Variants in IL31RA observed in about 807,000 individuals in gnomAD.
IL31RA encodes interleukin 31 receptor A, also known as interleukin-31 receptor subunit alpha.
Under a neutral mutation model 83.7 loss-of-function variants are expected in IL31RA, and 66 were observed. The ratio of observed to expected loss-of-function variants is 0.79; its 90% CI spans 0.65 to 0.97. The LOEUF is 0.97. Ranked by LOEUF, IL31RA falls within the 50% of genes least tolerant of loss-of-function variation. IL31RA has a pLI of 0.00. For synonymous variants in IL31RA, 325 were observed against 329.0 expected, an observed-to-expected ratio of 0.99 and a Z score of 0.13; for missense variants, 798 against 919.4, an observed-to-expected ratio of 0.87 and a Z score of 1.71.
rs1262185080 is a variant in IL31RA at position 55,872,398 on chromosome 5, A to T, written c.401A>T (p.Asn134Ile). 8.1e-6 allele frequency: 13 copies of T among 1,612,122 alleles called. No homozygotes were observed. The highest frequency in any genetic ancestry group is 1.1e-5 in the Non-Finnish European group (13 of 1,178,402). ...TATACCATTGAGGTGGAAGCTGAAA[A>T]TGGAGATGGTGTAATTAAATCTCAT... The part of the protein sequence containing the change: ...DNYTIEVEAE[N>I]GDGVIKSHMT... The change falls in exon 4 of 15, where the codon AAT becomes ATT. Residue 134 changes from asparagine to isoleucine, a missense_variant. By Grantham distance (149) the Asn-to-Ile change is moderately radical. Coordinates refer to ENST00000652347, the MANE Select transcript of IL31RA (RefSeq NM_139017.7).
intron 3 of IL31RA, among the ~76,000 whole-genome samples, chr5:55,871,690 A>C (rs1746515164): frequency 6.6e-6 from 1 of 152,126 alleles, no homozygotes; most frequent in East Asian, 1.9e-4. Flanking sequence ...ATCTCTCTAG[A>C]TATCTCCACA....
rs548027563 is a variant in IL31RA at position 55,870,109 on chromosome 5, G to A, written c.272+1201G>A. ...ATATAGTAATATTAAGAAGGAGATC[G>A]GTCTCTGTCAGAACTTTTCAACACT... On this transcript the variant is annotated intron_variant, in intron 3 of 14. Coordinates refer to ENST00000652347, the MANE Select transcript of IL31RA (RefSeq NM_139017.7). 6.2e-4 allele frequency among the ~76,000 whole-genome samples: 95 copies of A among 152,224 alleles called. 1 individual carries two copies. Among genetic ancestry groups the A allele is most frequent in the Admixed American group, 2.8e-3 (43 of 15,292 alleles).
chr5:55,915,825 G>A (rs1301943109), intron 14 of IL31RA, among the ~76,000 whole-genome samples: 6 of 152,148 alleles, frequency 3.9e-5, no homozygotes, highest in South Asian at 2.1e-4. Flanking sequence ...TGAATAATCC[G>A]TAGGTTGGAC....
intron 4 of IL31RA, 89 bp from the exon 5 acceptor site, chr5:55,882,955 C>T (rs926597195): frequency 1.2e-5 from 14 of 1,196,656 alleles, no homozygotes; most frequent in African/African-American, 4.5e-5. Flanking sequence ...CCACAATGCA[C>T]GTATCATTTT....
chr5:55,882,904 T>A, intron 4 of IL31RA, 140 bp from the exon 5 acceptor site: 1 of 752,616 alleles, frequency 1.3e-6, no homozygotes, highest in Non-Finnish European at 2.3e-6. Flanking sequence ...ACATTCCTTT[T>A]GTACTGCCTT....
At chr5:55,840,829 A>T in the IL31RA span, among the ~76,000 whole-genome samples, 1 of 152,018 alleles carries the variant, frequency 6.6e-6, no homozygotes, top group Admixed American at 6.6e-5. Flanking sequence ...TGTTTTTCTT[A>T]TGCCTGTATT....
At chr5:55,856,731 T>C (rs1442740587) in intron 1 of IL31RA, among the ~76,000 whole-genome samples, 1 of 152,214 alleles carries the variant, frequency 6.6e-6, no homozygotes, top group Admixed American at 6.5e-5. Flanking sequence ...GTGGCTGCCC[T>C]GTCAGAGTCT....
chr5:55,913,625 A>T, intron 13 of IL31RA, 55 bp downstream of exon 13: 3 of 1,117,020 alleles, frequency 2.7e-6, no homozygotes, highest in Middle Eastern at 2.0e-4. Context: ...AAAGGGGTTG[A>T]AGTCATCATA....
intron 4 of IL31RA, among the ~76,000 whole-genome samples, chr5:55,880,988 A>C (rs1747176313): frequency 6.6e-6 from 1 of 152,136 alleles, no homozygotes; most frequent in African/African-American, 2.4e-5. Flanking sequence ...CACGTTTTAG[A>C]GCAGGAGTGG....
In IL31RA at chr5:55,916,768, T is replaced by G; in HGVS notation, c.1943T>G (p.Leu648Arg). ...DKLVVNFGNV[L>R]QEIFTDEART... ...TTGGTGGTGAACTTTGGGAATGTTCTGCAAGAAATTTTCACAGATGAAGCC... is the reference window on the plus strand; with the variant it reads ...TTGGTGGTGAACTTTGGGAATGTTCGGCAAGAAATTTTCACAGATGAAGCC... Residue 648 changes from leucine to arginine, a missense_variant, in exon 15 of 15, where the codon CTG (leucine) becomes CGG (arginine). Coordinates refer to ENST00000652347, the MANE Select transcript of IL31RA (RefSeq NM_139017.7). 6.2e-7 allele frequency: 1 copy of G among 1,614,210 alleles called. No homozygotes were observed. Among genetic ancestry groups the G allele is most frequent in the Non-Finnish European group, 8.5e-7 (1 of 1,180,042 alleles).
upstream of IL31RA, among the ~76,000 whole-genome samples, chr5:55,847,235 AAAAAAAT>A (rs1275660598): frequency 3.9e-4 from 16 of 41,488 alleles, no homozygotes; most frequent in African/African-American, 1.9e-3. Flanking sequence ...AGAAAAAAAA[AAAAAAAT>A]AAAAATAAAT....
intron 5 of IL31RA, among the ~76,000 whole-genome samples, chr5:55,884,537 C>T (rs184629498): frequency 1.8e-3 from 276 of 152,292 alleles, no homozygotes; most frequent in South Asian, 2.3e-3. Flanking sequence ...TGGGCTCAAA[C>T]GATCCTCCTG....
intron 1 of IL31RA, among the ~76,000 whole-genome samples, chr5:55,853,764 T>G (rs1745197859): frequency 6.6e-6 from 1 of 152,182 alleles, no homozygotes; most frequent in Non-Finnish European, 1.5e-5. Context: ...GAATGGAGAA[T>G]CATGAGTGTT....
At position 55,868,782 on chromosome 5, in the gene IL31RA, T is replaced by G; in HGVS notation, c.155-9T>G. ...TGTGTTTGTGTGTGTGTGTGTTTAA[T>G]TTATTTAGCTCTGCCAGCTAAGCCT... On this transcript the variant is annotated splice_polypyrimidine_tract_variant and intron_variant, in intron 2 of 14. Coordinates refer to ENST00000652347, the MANE Select transcript of IL31RA (RefSeq NM_139017.7). The G allele has an allele frequency of 6.8e-7, 1 of 1,469,652 alleles. No homozygotes were observed. The highest frequency in any genetic ancestry group is 9.5e-7 in the Non-Finnish European group (1 of 1,048,680). The allele number at this position is 1,469,652 out of a possible 1,614,324, so 91.0% of individuals were successfully genotyped here. A position where few individuals can be genotyped will look rare whatever the true frequency, so the allele number is the denominator to read the frequency against.
chr5:55,886,720 C>T (rs1274690520), intron 5 of IL31RA, among the ~76,000 whole-genome samples: 2 of 152,188 alleles, frequency 1.3e-5, no homozygotes, highest in Admixed American at 6.5e-5. Flanking sequence ...TGGCATCTAC[C>T]GATCCCTTCA....
Position 55,896,310 on chromosome 5 carries a change from C to T in IL31RA, c.773-40C>T, listed in dbSNP as rs779347701. 4.3e-6 allele frequency: 6 copies of T among 1,400,806 alleles called. No homozygotes were observed. In the Admixed American group the frequency reaches 1.0e-4, roughly 23 times the overall value. 86.8% of individuals were successfully genotyped at this position (1,400,806 alleles called of 1,614,324 possible). A position where few individuals can be genotyped will look rare whatever the true frequency, so the allele number is the denominator to read the frequency against. ...CCTTTCCTGTCTCCTCTGCAACTCC[C>T]TTATCTCTGGGTTGAGTACCTCATT... On this transcript the variant is annotated intron_variant, in intron 6 of 14. Transcript: ENST00000652347.
the IL31RA span, among the ~76,000 whole-genome samples, chr5:55,842,707 G>A: frequency 6.6e-6 from 1 of 152,078 alleles, no homozygotes; most frequent in Non-Finnish European, 1.5e-5. Flanking sequence ...TCCCACTTAA[G>A]TTGTGGACTT....
At chr5:55,869,247 T>C (rs757693556) in intron 3 of IL31RA, among the ~76,000 whole-genome samples, 22 of 152,182 alleles carry the variant, frequency 1.4e-4, no homozygotes, top group Non-Finnish European at 2.5e-4. Flanking sequence ...GATCCAGATA[T>C]AGTAAGTAAG....
Position 55,858,062 on chromosome 5 carries a change from A to C in IL31RA, c.64-1447A>C, listed in dbSNP as rs534917760. ...AAGGTTTTTTTTTTAAATTTCACAA[A>C]TAATAGCTGAGTATTTTTATTGTAA... On this transcript the variant is annotated intron_variant, in intron 1 of 14. Coordinates refer to ENST00000652347, the MANE Select transcript of IL31RA (RefSeq NM_139017.7). 6.4e-4 allele frequency among the ~76,000 whole-genome samples: 98 copies of C among 152,264 alleles called. 1 individual carries two copies. Among genetic ancestry groups the C allele is most frequent in the Admixed American group, 2.8e-3 (43 of 15,298 alleles).
Sources: allele counts gnomAD v4.1 joint callset (sites outside exome capture counted in the v4.1 genomes callset), GRCh38; gene constraint gnomAD v4.1.1; transcripts MANE v1.5; gene names NCBI Gene and HGNC (gene_info 2026-07-23, HGNC 2026-07-21).